The following ANK3 variants were observed in gnomAD, a reference collection of about 807,000 sequenced individuals.
The protein encoded by ANK3 is ankyrin-3.
In ANK3, 57 loss-of-function variants were observed where a neutral mutation model predicts 370.9. The observed-to-expected ratio is 0.15, with a 90% CI of 0.12 to 0.19. The LOEUF (loss-of-function observed/expected upper bound fraction) is 0.19, where lower values mean the gene tolerates loss of function less well. ANK3 is among the 10% of genes least tolerant of loss of function. ANK3 has a pLI of 1.00. For synonymous variants in ANK3, 1,929 were observed against 1,946.3 expected, an observed-to-expected ratio of 0.99 and a Z score of 0.23; for missense variants, 4,439 against 5,302.1, an observed-to-expected ratio of 0.84 and a Z score of 5.06.
rs576279059 is a variant in ANK3 at position 60,027,617 on chromosome 10, G to A, written c.*2229C>T. 2.3e-4 allele frequency: 35 copies of A among 152,290 alleles called. No individual in the cohort carries two copies. Among genetic ancestry groups the A allele is most frequent in the African/African-American group, 8.4e-4 (35 of 41,548 alleles). 9.4% of individuals were successfully genotyped at this position (152,290 alleles called of 1,614,324 possible). A position where few individuals can be genotyped will look rare whatever the true frequency, so the allele number is the denominator to read the frequency against. On this transcript the variant is annotated 3_prime_UTR_variant, in exon 44 of 44. Transcript: ENST00000280772. ...AAGACAGTACCTAATTCATAAAGTA[G>A]ATATGAGGACTAAGTAAGTAAATGG...
intron 4 of ANK3, among the ~76,000 whole-genome samples, chr10:60,277,110 G>A (rs760057263): frequency 6.6e-6 from 1 of 152,176 alleles, no homozygotes; most frequent in Non-Finnish European, 1.5e-5. Context: ...CATGCAGTTG[G>A]AAGCACTGTG....
chr10:60,667,306 C>G (rs1444894991), intron 1 of ANK3, among the ~76,000 whole-genome samples: 1 of 150,688 alleles, frequency 6.6e-6, no homozygotes, highest in Non-Finnish European at 1.5e-5. Context: ...TCCCCCATTT[C>G]CTACTAAGAG....
chr10:60,554,635 A>G (rs1452090921), intron 2 of ANK3, among the ~76,000 whole-genome samples: 1 of 152,178 alleles, frequency 6.6e-6, no homozygotes, highest in Non-Finnish European at 1.5e-5. Flanking sequence ...ACTTCGTCCA[A>G]TAGATGCTGA....
intron 16 of ANK3, among the ~76,000 whole-genome samples, chr10:60,190,639 A>C (rs1289642167): frequency 6.6e-6 from 1 of 152,170 alleles, no homozygotes; most frequent in Non-Finnish European, 1.5e-5. Flanking sequence ...TAAATTTGGC[A>C]ACCCAGTCAA....
At chr10:60,343,977 T>A (rs899138656) in intron 1 of ANK3, among the ~76,000 whole-genome samples, 1 of 152,226 alleles carries the variant, frequency 6.6e-6, no homozygotes, top group African/African-American at 2.4e-5. Flanking sequence ...GTTCTGCACA[T>A]CCATGGACCT....
At chr10:60,196,309 G>C in intron 15 of ANK3, 66 bp from the exon 16 acceptor site, 1 of 1,417,906 alleles carries the variant, frequency 7.1e-7, no homozygotes, top group East Asian at 2.3e-5. Context: ...CTTAGATTGA[G>C]GAAATGAAAT....
chr10:60,175,355 C>G (rs923649417), intron 18 of ANK3, among the ~76,000 whole-genome samples: 2 of 152,206 alleles, frequency 1.3e-5, no homozygotes, highest in Non-Finnish European at 2.9e-5. Flanking sequence ...AAAATAGCAC[C>G]TCGCATAAAT....
chr10:60,265,327 C>T (rs562219998), intron 5 of ANK3, among the ~76,000 whole-genome samples: 3 of 152,270 alleles, frequency 2.0e-5, no homozygotes, highest in South Asian at 2.1e-4. Flanking sequence ...GATTAAAACA[C>T]GACTTTAGAA....
chr10:60,455,067 A>G (rs1351997300), intron 2 of ANK3, among the ~76,000 whole-genome samples: 4 of 152,232 alleles, frequency 2.6e-5, no homozygotes, highest in African/African-American at 9.6e-5. Flanking sequence ...GAAGCATAAC[A>G]ACTTTCAAAC....
chr10:60,630,387 T>A (rs898473716), intron 1 of ANK3, among the ~76,000 whole-genome samples: 2 of 152,240 alleles, frequency 1.3e-5, no homozygotes, highest in Non-Finnish European at 2.9e-5. Context: ...ACCTACCATG[T>A]TACCAATTGT....
chr10:60,196,626 C>T lies in ANK3; in HGVS notation c.1690-1G>A. 6.8e-7 allele frequency: 1 copy of T among 1,472,208 alleles called. No individual in the cohort carries two copies. The highest frequency in any genetic ancestry group is 9.2e-7 in the Non-Finnish European group (1 of 1,086,806). 91.2% of individuals were successfully genotyped at this position (1,472,208 alleles called of 1,614,324 possible). ...CCACATGAAGAGGAGTAAATCCTTT[C>T]TGAAAAAAAAAAAACATAAAAATAA... On this transcript the variant is annotated splice_acceptor_variant, in intron 14 of 43. Transcript: ENST00000280772. LOFTEE classifies it high-confidence loss of function.
At chr10:60,642,108 C>T (rs1287027235) in intron 1 of ANK3, among the ~76,000 whole-genome samples, 4 of 148,150 alleles carry the variant, frequency 2.7e-5, no homozygotes, top group Non-Finnish European at 6.0e-5. Context: ...GTTAGAATGG[C>T]AATCATTAAA....
intron 1 of ANK3, among the ~76,000 whole-genome samples, chr10:60,689,450 C>T (rs1300898343): frequency 6.6e-6 from 1 of 151,972 alleles, no homozygotes; most frequent in Non-Finnish European, 1.5e-5. Context: ...TCACTTACAG[C>T]AGTTAAAAAT....
chr10:60,242,733 T>C (rs2097486886), intron 7 of ANK3, among the ~76,000 whole-genome samples: 1 of 152,186 alleles, frequency 6.6e-6, no homozygotes, highest in East Asian at 1.9e-4. Context: ...CATGAGATAA[T>C]TTGTATTAAA....
intron 23 of ANK3, among the ~76,000 whole-genome samples, chr10:60,163,175 A>C (rs570815290): frequency 2.0e-5 from 3 of 152,228 alleles, no homozygotes; most frequent in African/African-American, 7.2e-5. Context: ...TCAATTACAA[A>C]ATATGAATTG....
intron 2 of ANK3, among the ~76,000 whole-genome samples, chr10:60,500,517 A>G (rs2075770148): frequency 6.6e-6 from 1 of 152,120 alleles, no homozygotes; most frequent in South Asian, 2.1e-4. Flanking sequence ...TGCTTAACCT[A>G]CTCTAGGCTC....
intron 2 of ANK3, among the ~76,000 whole-genome samples, chr10:60,592,660 A>T (rs1237206819): frequency 1.3e-5 from 2 of 152,198 alleles, no homozygotes; most frequent in South Asian, 4.1e-4. Context: ...GCTACTCGGG[A>T]GGCTGAGGCA....
chr10:60,266,883 A>G (rs1455474292), intron 5 of ANK3, among the ~76,000 whole-genome samples: 1 of 152,208 alleles, frequency 6.6e-6, no homozygotes, highest in Non-Finnish European at 1.5e-5. Flanking sequence ...TACCTTATGA[A>G]GTGTCTGAAA....
At chr10:60,152,887 A>G (rs1379061021) in intron 23 of ANK3, among the ~76,000 whole-genome samples, 1 of 152,122 alleles carries the variant, frequency 6.6e-6, no homozygotes, top group African/African-American at 2.4e-5. Context: ...AAATCTCAGT[A>G]TCTAATTTTA....
Sources: gnomAD v4.1 joint callset for allele counts (sites outside exome capture counted in the v4.1 genomes callset) on GRCh38, gnomAD v4.1.1 for gene constraint, MANE v1.5 for transcripts, NCBI Gene and HGNC (gene_info 2026-07-23, HGNC 2026-07-21) for gene names.